BRAF: variants seen among roughly 807,000 people sequenced by gnomAD.
The protein encoded by BRAF is serine/threonine-protein kinase B-raf.
A neutral mutation model predicts 104.6 loss-of-function variants in BRAF; 16 were observed. That is an observed-to-expected ratio of 0.15 (90% CI 0.10 to 0.23). The LOEUF is 0.23. Ranked by LOEUF, BRAF falls within the 10% of genes least tolerant of loss-of-function variation. The probability of loss-of-function intolerance (pLI) is 1.00; values close to 1 mark genes in which losing one functional copy is unlikely to be tolerated. For synonymous variants in BRAF, 310 were observed against 341.6 expected (o/e 0.91, Z 1.02); for missense variants, 541 against 937.3 (o/e 0.58, Z 5.52).
intron 1 of BRAF, among the ~76,000 whole-genome samples, chr7:140,856,016 TAAAC>T (rs528591518): frequency 6.6e-6 from 1 of 151,440 alleles, no homozygotes; most frequent in South Asian, 2.1e-4. Context: ...AGACTATCTC[TAAAC>T]AAACAAACAA....
rs146448280 is a variant in BRAF, at chr7:140,800,902, T to A, written c.861-421A>T. ...AAGAGATAATAGACTCAGTCTAATC[T>A]ATTAGAAAAACTGGCATACAGCAAA... On this transcript the variant is annotated intron_variant, in intron 6 of 19. Transcript: ENST00000644969. 5.3e-4 allele frequency: 136 copies of A among 257,156 alleles called. 1 individual carries two copies. The East Asian group carries it at 0.013, about 24-fold the overall frequency. 15.9% of individuals were successfully genotyped at this position (257,156 alleles called of 1,614,324 possible). A position where few individuals can be genotyped will look rare whatever the true frequency, so the allele number is the denominator to read the frequency against.
downstream of BRAF, among the ~76,000 whole-genome samples, chr7:140,718,282 G>A (rs1352392919): frequency 6.6e-6 from 1 of 151,746 alleles, no homozygotes; most frequent in Non-Finnish European, 1.5e-5. Flanking sequence ...TTTCTGAGAT[G>A]GAGTTTTGCT....
At chr7:140,737,711 A>G (rs1329016484) in intron 18 of BRAF, among the ~76,000 whole-genome samples, 4 of 152,232 alleles carry the variant, frequency 2.6e-5, no homozygotes, top group African/African-American at 9.6e-5. Flanking sequence ...CAAAACTATA[A>G]AAATGATTTC....
chr7:140,850,256 T>G (rs368438552), intron 1 of BRAF, 44 bp from the exon 2 acceptor site: 1 of 1,418,204 alleles, frequency 7.1e-7, no homozygotes. Context: ...TCACTTAGTA[T>G]ATGAATTAGA....
In BRAF at chr7:140,720,001, T is replaced by TA. The variant is rs1355882005; in HGVS notation, c.*6492dup. On this transcript the variant is annotated 3_prime_UTR_variant, in exon 20 of 20. Transcript: ENST00000644969. ...GGAAGCATCTCCCTTTCCTCTCCCT[T>TA]ACAGGAGTCATGTCCTCAAACCAAG... 9.4e-7 allele frequency: 1 copy of TA among 1,062,026 alleles called. No homozygotes were observed. Among genetic ancestry groups the TA allele is most frequent in the Non-Finnish European group, 1.1e-6 (1 of 877,322 alleles). 65.8% of individuals were successfully genotyped at this position (1,062,026 alleles called of 1,614,324 possible).
intron 3 of BRAF, among the ~76,000 whole-genome samples, chr7:140,819,748 G>T (rs1056633514): frequency 6.6e-6 from 1 of 152,138 alleles, no homozygotes; most frequent in Non-Finnish European, 1.5e-5. Flanking sequence ...CATATTGTAT[G>T]ATTTCATTTA....
intron 1 of BRAF, among the ~76,000 whole-genome samples, chr7:140,911,923 TG>T (rs1238514398): frequency 6.6e-6 from 1 of 152,214 alleles, no homozygotes; most frequent in Non-Finnish European, 1.5e-5. Flanking sequence ...TTAAATTGCC[TG>T]GGCAAGTTAC....
chr7:140,738,159 C>G (rs1187381065), intron 18 of BRAF, among the ~76,000 whole-genome samples: 2 of 152,160 alleles, frequency 1.3e-5, no homozygotes, highest in Non-Finnish European at 2.9e-5. Context: ...AAAATAAAAA[C>G]TCTTCCTCAA....
chr7:140,852,949 T>G (rs1809346988), intron 1 of BRAF, among the ~76,000 whole-genome samples: 1 of 152,136 alleles, frequency 6.6e-6, no homozygotes, highest in African/African-American at 2.4e-5. Context: ...GACAATCCAT[T>G]TCAATCCATC....
At chr7:140,819,549 T>C (rs1805250067) in intron 3 of BRAF, among the ~76,000 whole-genome samples, 1 of 152,194 alleles carries the variant, frequency 6.6e-6, no homozygotes, top group Non-Finnish European at 1.5e-5. Flanking sequence ...CACAGCAGCA[T>C]TGCTCATAAC....
intron 1 of BRAF, among the ~76,000 whole-genome samples, chr7:140,902,589 G>A (rs1191446132): frequency 2.0e-5 from 3 of 152,196 alleles, no homozygotes; most frequent in Non-Finnish European, 4.4e-5. Context: ...CAAAGGCAGA[G>A]TTTTTGAAGG....
chr7:140,737,933 G>T (rs980594048), intron 18 of BRAF, among the ~76,000 whole-genome samples: 1 of 152,116 alleles, frequency 6.6e-6, no homozygotes, highest in Admixed American at 6.6e-5. Flanking sequence ...TAAGCATTTT[G>T]CCCCTTTTAA....
intron 1 of BRAF, among the ~76,000 whole-genome samples, chr7:140,879,127 C>T (rs1417940414): frequency 6.6e-6 from 1 of 152,050 alleles, no homozygotes; most frequent in East Asian, 1.9e-4. Context: ...ATCCACCTGC[C>T]TTGGCCTCCC....
Position 140,721,622 on chromosome 7 carries a change from G to A in BRAF, c.*4872C>T. The A allele has an allele frequency of 6.5e-7, 1 of 1,535,732 alleles. No individual in the cohort carries two copies. Among genetic ancestry groups the A allele is most frequent in the Non-Finnish European group, 8.7e-7 (1 of 1,146,610 alleles). Reference sequence around the variant, plus strand: ...CTGGCCAAGCTACAAATCATCACCTGAGGCAGAGATGCTACTACCCTCTTC... The same window carrying A: ...CTGGCCAAGCTACAAATCATCACCTAAGGCAGAGATGCTACTACCCTCTTC... On this transcript the variant is annotated 3_prime_UTR_variant, in exon 20 of 20. Transcript: ENST00000644969.
intron 14 of BRAF, among the ~76,000 whole-genome samples, chr7:140,763,900 C>G (rs1414507705): frequency 1.3e-5 from 2 of 152,140 alleles, no homozygotes; most frequent in African/African-American, 2.4e-5. Flanking sequence ...CCTTCTGAAA[C>G]TATTCCAATC....
chr7:140,879,455 C>T (rs1402173977), intron 1 of BRAF, among the ~76,000 whole-genome samples: 4 of 148,758 alleles, frequency 2.7e-5, no homozygotes, highest in Non-Finnish European at 5.9e-5. Flanking sequence ...GCTGGGATTA[C>T]AGACGTGAGC....
At chr7:140,717,294 T>TC (rs1795151293), downstream of BRAF, among the ~76,000 whole-genome samples, 1 of 152,114 alleles carries the variant, frequency 6.6e-6, no homozygotes, top group African/African-American at 2.4e-5. Flanking sequence ...TTTTTTTTTT[T>TC]CTCTGAAACA....
chr7:140,733,900 A>G, intron 19 of BRAF: 1 of 741,538 alleles, frequency 1.3e-6, no homozygotes, highest in African/African-American at 1.9e-5. Flanking sequence ...AAAGCTATTT[A>G]AAAGAAACTC....
intron 1 of BRAF, among the ~76,000 whole-genome samples, chr7:140,870,873 A>T: frequency 7.9e-6 from 1 of 127,314 alleles, no homozygotes; most frequent in African/African-American, 3.4e-5. Context: ...TTCTTACTTA[A>T]AAAAAAAAAA....
Sources: allele counts gnomAD v4.1 joint callset (sites outside exome capture counted in the v4.1 genomes callset), GRCh38; gene constraint gnomAD v4.1.1; transcripts MANE v1.5; gene names NCBI Gene and HGNC (gene_info 2026-07-23, HGNC 2026-07-21).